Variants in DPP6 observed in about 807,000 individuals in gnomAD.
DPP6 encodes the protein A-type potassium channel modulatory protein DPP6.
Under a neutral mutation model 122.6 loss-of-function variants are expected in DPP6, and 69 were observed. That is an observed-to-expected ratio of 0.56 (90% confidence interval 0.46 to 0.69). DPP6 has a LOEUF of 0.69. DPP6 is among the 30% of genes least tolerant of loss of function. The probability of loss-of-function intolerance (pLI) is 0.00; values close to 1 mark genes in which losing one functional copy is unlikely to be tolerated. For missense variants in DPP6, 928 were observed against 1,116.9 expected, an observed-to-expected ratio of 0.83 and a Z score of 2.41; for synonymous variants, 418 against 433.1, an observed-to-expected ratio of 0.97 and a Z score of 0.43.
At chr7:154,227,230 A>ACACACACACACACACACACACACACC (rs1205135212) in intron 1 of DPP6, among the ~76,000 whole-genome samples, 34 of 151,536 alleles carry the variant, frequency 2.2e-4, no homozygotes, top group African/African-American at 5.1e-4. Flanking sequence ...ACACACACAC[A>ACACACACACACACACACACACACACC]CCCCTAGGAA....
intron 1 of DPP6, among the ~76,000 whole-genome samples, chr7:154,252,997 A>C (rs749800672): frequency 6.6e-6 from 1 of 152,244 alleles, no homozygotes; most frequent in Non-Finnish European, 1.5e-5. Context: ...AATGCAAGGA[A>C]TATTGGGTAA....
intron 1 of DPP6, among the ~76,000 whole-genome samples, chr7:153,919,867 C>T (rs559863146): frequency 1.6e-4 from 24 of 152,268 alleles, no homozygotes; most frequent in Middle Eastern, 3.4e-3. Flanking sequence ...GTATTTATTA[C>T]AAATGTGAGT....
chr7:154,590,200 T>A (rs1017395118), intron 5 of DPP6, among the ~76,000 whole-genome samples: 1 of 152,148 alleles, frequency 6.6e-6, no homozygotes, highest in African/African-American at 2.4e-5. Context: ...GCAGGGATGG[T>A]CACTTGTTTG....
chr7:154,108,609 A>G (rs1359220075), intron 1 of DPP6, among the ~76,000 whole-genome samples: 4 of 152,192 alleles, frequency 2.6e-5, no homozygotes, highest in African/African-American at 9.6e-5. Flanking sequence ...TCAAGCTCTT[A>G]GGTCTAACTT....
At chr7:154,672,585 G>T in intron 7 of DPP6, among the ~76,000 whole-genome samples, 1 of 152,178 alleles carries the variant, frequency 6.6e-6, no homozygotes, top group East Asian at 1.9e-4. Flanking sequence ...CTTCCTTTCT[G>T]CTTCAAAGAA....
intron 5 of DPP6, among the ~76,000 whole-genome samples, chr7:154,631,330 T>G (rs1835395527): frequency 6.6e-6 from 1 of 152,240 alleles, no homozygotes; most frequent in Admixed American, 6.5e-5. Flanking sequence ...GAACAGCTCC[T>G]GTTGCCTTCA....
Position 154,475,024 on chromosome 7 carries a change from T to C in DPP6, c.444T>C (p.Ala148=), listed in dbSNP as rs1048245366. The C allele has an allele frequency of 6.2e-7, 1 of 1,613,274 alleles. No individual in the cohort carries two copies. Among genetic ancestry groups the C allele is most frequent in the Non-Finnish European group, 8.5e-7 (1 of 1,179,262 alleles). ...SEDFKIHDPE[A]KWISDTEFIY... is the part of the protein sequence containing the mutation. ...ACTTCAAAATTCATGACCCCGAGGC[T>C]AAGTGGATAAGTGGTGAGTCCAGGT... The change falls in exon 3 of 26, where the codon GCT becomes GCC. Residue 148 remains alanine, a synonymous_variant. Transcript: ENST00000377770.
In DPP6 at chr7:154,727,860, A is replaced by G; in HGVS notation, c.856A>G (p.Asn286Asp). ...VSTGKEGVIY[N>D]GLSDWLYEEE... ...CACTGGCAAGGAAGGTGTGATTTAC[A>G]ATGGCCTCAGTGACTGGCTGTATGA... The change falls in exon 8 of 26, where the codon AAT becomes GAT. Residue 286 changes from asparagine to aspartate, a missense_variant. Physicochemically the swap from Asn to Asp is conservative, Grantham distance 23. Coordinates refer to ENST00000377770, the MANE Select transcript of DPP6 (RefSeq NM_130797.4). The G allele has an allele frequency of 6.2e-7, 1 of 1,613,724 alleles. No individual in the cohort carries two copies. Among genetic ancestry groups the G allele is most frequent in the Non-Finnish European group, 8.5e-7 (1 of 1,179,742 alleles).
In DPP6 at chr7:154,727,897, GCA is replaced by G. The variant is rs1563146376; in HGVS notation, c.883+13_883+14del. ...GACTGGCTGTATGAAGGTAAGATGT[GCA>G]CAGAGAGAAAAAAGGAAGATTTGTG... On this transcript the variant is annotated intron_variant, in intron 8 of 25. Transcript: ENST00000377770. The G allele has an allele frequency of 6.4e-7, 1 of 1,570,572 alleles. No individual in the cohort carries two copies. The highest frequency in any genetic ancestry group is 2.3e-5 in the East Asian group (1 of 44,170).
rs949879021 is a variant in DPP6 at position 154,603,337 on chromosome 7, G to A, written c.628-34484G>A. Among the ~76,000 whole-genome samples the A allele has an allele frequency of 7.7e-5, 9 of 117,546 alleles. 3 individuals are homozygous for A. Among genetic ancestry groups the A allele is most frequent in the African/African-American group, 1.9e-4 (7 of 37,034 alleles). 77.1% of individuals were successfully genotyped at this position (117,546 alleles called of 152,430 possible). On this transcript the variant is annotated intron_variant, in intron 5 of 25. Coordinates refer to ENST00000377770, the MANE Select transcript of DPP6 (RefSeq NM_130797.4). Reference sequence around the variant, plus strand: ...TCCCATCCTCTCTTGTTTTTCCTTCGGGGTCTACTCTTACATGGATATTCG... The same window carrying A: ...TCCCATCCTCTCTTGTTTTTCCTTCAGGGTCTACTCTTACATGGATATTCG...
chr7:154,728,187 A>G (rs1023628204), intron 8 of DPP6, among the ~76,000 whole-genome samples: 7 of 152,212 alleles, frequency 4.6e-5, no homozygotes, highest in African/African-American at 1.7e-4. Flanking sequence ...AGGCTCGTTA[A>G]TGGGAGATTT....
chr7:153,990,832 G>T (rs1432447040), intron 1 of DPP6, among the ~76,000 whole-genome samples: 1 of 152,228 alleles, frequency 6.6e-6, no homozygotes, highest in Non-Finnish European at 1.5e-5. Context: ...TGACGTCCAA[G>T]TTTATTGAGC....
intron 1 of DPP6, among the ~76,000 whole-genome samples, chr7:154,288,708 T>A (rs1805010800): frequency 6.6e-6 from 1 of 152,212 alleles, no homozygotes; most frequent in African/African-American, 2.4e-5. Flanking sequence ...TCAATAAATG[T>A]TCAAACCCAT....
intron 7 of DPP6, among the ~76,000 whole-genome samples, chr7:154,714,953 G>A (rs1251536898): frequency 3.9e-5 from 6 of 152,172 alleles, no homozygotes; most frequent in Non-Finnish European, 8.8e-5. Context: ...CTTGGGATAG[G>A]CTAGTGATGG....
At chr7:154,055,155 A>G (rs1800710683) in intron 1 of DPP6, among the ~76,000 whole-genome samples, 1 of 143,522 alleles carries the variant, frequency 7.0e-6, no homozygotes, top group African/African-American at 2.7e-5. Flanking sequence ...GTGTTTATAT[A>G]GTGTACTCCC....
At chr7:153,825,280 T>C in the DPP6 span, among the ~76,000 whole-genome samples, 1 of 152,242 alleles carries the variant, frequency 6.6e-6, no homozygotes, top group African/African-American at 2.4e-5. Flanking sequence ...AGAGACCCCC[T>C]TTAAGGAGGA....
the DPP6 span, among the ~76,000 whole-genome samples, chr7:153,872,666 C>T: frequency 2.0e-4 from 31 of 152,088 alleles, no homozygotes; most frequent in Non-Finnish European, 3.2e-4. Flanking sequence ...CGACAAGGTG[C>T]TATCATTATT....
chr7:154,758,528 C>T (rs532867076), intron 8 of DPP6, among the ~76,000 whole-genome samples: 14 of 152,054 alleles, frequency 9.2e-5, no homozygotes, highest in African/African-American at 2.2e-4. Flanking sequence ...TGCACCGCCA[C>T]GTCCAGCTAA....
intron 8 of DPP6, among the ~76,000 whole-genome samples, chr7:154,742,270 CA>C (rs1217729082): frequency 6.6e-6 from 1 of 152,168 alleles, no homozygotes; most frequent in Non-Finnish European, 1.5e-5. Flanking sequence ...AGCCCTCTAC[CA>C]GGTCCTCCAA....
Sources: allele counts gnomAD v4.1 joint callset (sites outside exome capture counted in the v4.1 genomes callset), GRCh38; gene constraint gnomAD v4.1.1; transcripts MANE v1.5; gene names NCBI Gene and HGNC (gene_info 2026-07-23, HGNC 2026-07-21).